The following ANKRD27 variants were observed in gnomAD, a reference collection of about 807,000 sequenced individuals.
ANKRD27 encodes ankyrin repeat domain-containing protein 27.
ANKRD27 carries 112 observed loss-of-function variants against 129.7 expected under a neutral mutation model. The observed-to-expected ratio is 0.86, with a 90% CI of 0.74 to 1.01. The LOEUF is 1.01. ANKRD27 is among the 50% of genes least tolerant of loss of function. The probability of loss-of-function intolerance (pLI) is 0.00; values close to 1 mark genes in which losing one functional copy is unlikely to be tolerated. For synonymous variants in ANKRD27, 516 were observed against 511.2 expected (o/e 1.01, Z -0.13); for missense variants, 1,258 against 1,300.5 (o/e 0.97, Z 0.50).
intron 1 of ANKRD27, among the ~76,000 whole-genome samples, chr19:32,674,082 A>G (rs1244084237): frequency 6.6e-6 from 1 of 152,050 alleles, no homozygotes; most frequent in Non-Finnish European, 1.5e-5. Context: ...GCTTGAGTCC[A>G]GGAGTTTGAG....
intron 12 of ANKRD27, chr19:32,639,137 A>C (rs879640443): frequency 2.6e-5 from 15 of 571,416 alleles, no homozygotes; most frequent in Non-Finnish European, 4.3e-5. Flanking sequence ...GGATATTAAC[A>C]ATGTAAATCC....
intron 1 of ANKRD27, among the ~76,000 whole-genome samples, chr19:32,664,617 AAATAAT>A (rs3042684): frequency 0.043 from 5,475 of 128,262 alleles, 133 homozygotes; most frequent in Middle Eastern, 0.074. Context: ...CTCCATCCCC[AAATAAT>A]AATAATAATA....
chr19:32,634,526 C>T (rs1160722447), intron 12 of ANKRD27, among the ~76,000 whole-genome samples: 3 of 152,184 alleles, frequency 2.0e-5, no homozygotes. Flanking sequence ...GGCTGTGACC[C>T]TCCCTTTCCC....
chr19:32,627,889 A>C lies in ANKRD27; in HGVS notation c.1420+194T>G, dbSNP rs376553700. 3.3e-4 allele frequency among the ~76,000 whole-genome samples: 50 copies of C among 152,324 alleles called. No individual in the cohort carries two copies. In the South Asian group the frequency reaches 0.01, roughly 32 times the overall value. On this transcript the variant is annotated intron_variant, in intron 15 of 28. Transcript: ENST00000306065. ...CGCAGGGGGGCTCAGCCAGCGCAGG[A>C]GGCAGCAGGGTGGCCGTCGAGGCCT...
At chr19:32,652,558 A>G (rs1468746306) in intron 2 of ANKRD27, among the ~76,000 whole-genome samples, 1 of 151,274 alleles carries the variant, frequency 6.6e-6, no homozygotes, top group Non-Finnish European at 1.5e-5. Flanking sequence ...CTGGGCTACA[A>G]GAGCGAAACT....
At position 32,615,773 on chromosome 19, in the gene ANKRD27, TA is replaced by T; in HGVS notation, c.2059del (p.Tyr687ThrfsTer51). 6.2e-7 allele frequency: 1 copy of T among 1,612,818 alleles called. No individual in the cohort carries two copies. The highest frequency in any genetic ancestry group is 8.5e-7 in the Non-Finnish European group (1 of 1,179,244). The part of the protein sequence containing the change: ...VADGDLEMVR[Y>X]LLEWTEEDLE... ...GTCCTCCTCTGTCCATTCCAACAGG[TA>T]ACGCACCTGGTGATGGAGAGTAACG... On this transcript the variant is annotated frameshift_variant, in exon 22 of 29. Coordinates refer to ENST00000306065, the MANE Select transcript of ANKRD27 (RefSeq NM_032139.3). LOFTEE classifies it high-confidence loss of function.
chr19:32,656,366 C>T (rs61357981), intron 2 of ANKRD27, among the ~76,000 whole-genome samples: 2,271 of 152,330 alleles, frequency 0.015, 46 homozygotes, highest in East Asian at 0.052. Flanking sequence ...CCAGGCCCTC[C>T]CTGATCCATG....
intron 26 of ANKRD27, among the ~76,000 whole-genome samples, chr19:32,601,789 T>C (rs1055981340): frequency 6.6e-6 from 1 of 152,092 alleles, no homozygotes. Flanking sequence ...TTCTATCCTA[T>C]TTCCTCAGGA....
At chr19:32,612,542 A>C (rs966475036) in intron 22 of ANKRD27, among the ~76,000 whole-genome samples, 30 of 152,238 alleles carry the variant, frequency 2.0e-4, no homozygotes, top group African/African-American at 7.0e-4. Flanking sequence ...GAATCATTCA[A>C]TCCAATACTG....
intron 2 of ANKRD27, among the ~76,000 whole-genome samples, chr19:32,651,558 G>A (rs1292318538): frequency 2.6e-5 from 4 of 152,078 alleles, no homozygotes; most frequent in African/African-American, 9.7e-5. Context: ...TTTTAGTAGA[G>A]ACGGGGTTTC....
rs189812653 is a variant in ANKRD27 at position 32,636,739 on chromosome 19, A to T, written c.1116+2617T>A. ...TCTCTCTCTCTATATATATATATATATTTTTTATATATATATACACATATT... is the reference window on the plus strand; with the variant it reads ...TCTCTCTCTCTATATATATATATATTTTTTTTATATATATATACACATATT... On this transcript the variant is annotated intron_variant, in intron 12 of 28. Coordinates refer to ENST00000306065, the MANE Select transcript of ANKRD27 (RefSeq NM_032139.3). Among the ~76,000 whole-genome samples the T allele has an allele frequency of 7.8e-4, 114 of 146,938 alleles. 1 individual carries two copies. Among genetic ancestry groups the T allele is most frequent in the South Asian group, 1.5e-3 (7 of 4,718 alleles).
intron 17 of ANKRD27, among the ~76,000 whole-genome samples, chr19:32,623,609 G>A (rs1342862391): frequency 6.6e-6 from 1 of 151,234 alleles, no homozygotes; most frequent in African/African-American, 2.4e-5. Flanking sequence ...GAGTACAGCA[G>A]TGCAATCTCA....
In ANKRD27 at chr19:32,659,009, G is replaced by A; in HGVS notation, c.7C>T (p.Leu3=). 11 of 1,613,030 alleles carry A rather than the reference G, an allele frequency of 6.8e-6. No homozygotes were observed. The highest frequency in any genetic ancestry group is 9.3e-6 in the Non-Finnish European group (11 of 1,179,110). ...TTTTTCAGGAGGTCTTCATCATACA[G>A]AGCCATATGGACTTCAGATGGGTCA... is the stretch of plus-strand genomic sequence containing the variant. MA[L]YDEDLLKNPF... is the part of the protein sequence containing the mutation. Residue 3 remains leucine (L), a synonymous_variant, in exon 2 of 29, where the codon CTG becomes TTG. Transcript: ENST00000306065.
At chr19:32,603,274 C>G (rs1971679626) in intron 25 of ANKRD27, among the ~76,000 whole-genome samples, 1 of 152,150 alleles carries the variant, frequency 6.6e-6, no homozygotes, top group Non-Finnish European at 1.5e-5. Context: ...GAGCAAGACT[C>G]TGTCTTAAGA....
chr19:32,628,273 T>A (rs984614944), intron 14 of ANKRD27, 108 bp from the exon 15 acceptor site: 3 of 869,116 alleles, frequency 3.5e-6, no homozygotes, highest in Non-Finnish European at 5.5e-6. Flanking sequence ...GCTCACAGGA[T>A]GCCACCCAAG....
intron 2 of ANKRD27, among the ~76,000 whole-genome samples, chr19:32,657,218 C>T (rs970975751): frequency 6.6e-5 from 10 of 151,966 alleles, no homozygotes; most frequent in South Asian, 2.1e-4. Flanking sequence ...AATTCCAGCA[C>T]GCTGGGGGGC....
chr19:32,628,610 G>C, intron 14 of ANKRD27, 112 bp downstream of exon 14: 3 of 1,367,508 alleles, frequency 2.2e-6, no homozygotes, highest in South Asian at 2.6e-5. Context: ...GAGGCAGCTG[G>C]GGGGCAGGGA....
At chr19:32,605,666 A>G (rs896354684) in intron 24 of ANKRD27, among the ~76,000 whole-genome samples, 169 bp downstream of exon 24, 2 of 152,204 alleles carry the variant, frequency 1.3e-5, no homozygotes, top group Non-Finnish European at 2.9e-5. Context: ...ATCTGTTCCC[A>G]TCGGAGAACC....
chr19:32,667,179 T>C (rs259272), intron 1 of ANKRD27, among the ~76,000 whole-genome samples: 109,653 of 152,244 alleles, frequency 0.72, 39,571 homozygotes, highest in Non-Finnish European at 0.74. Flanking sequence ...GGGGCGCAGC[T>C]CTGTGCAAGG....
Sources: gnomAD v4.1 joint callset for allele counts (sites outside exome capture counted in the v4.1 genomes callset) on GRCh38, gnomAD v4.1.1 for gene constraint, MANE v1.5 for transcripts, NCBI Gene and HGNC (gene_info 2026-07-23, HGNC 2026-07-21) for gene names.